The following PCDHB9 variants were observed in gnomAD, a reference collection of about 807,000 sequenced individuals.
PCDHB9 encodes the protein protocadherin beta 9, also known as protocadherin beta-9.
For missense variants in PCDHB9, 1,072 were observed against 995.1 expected (o/e 1.08, Z -1.04); for synonymous variants, 501 against 439.7 (o/e 1.14, Z -1.75).
rs782186162 is a variant in PCDHB9 at position 141,189,535 on chromosome 5, G to A, written c.2217G>A (p.Val739=). 1 of 1,614,122 alleles carries A rather than the reference G, an allele frequency of 6.2e-7. No individual in the cohort carries two copies. Among genetic ancestry groups the A allele is most frequent in the South Asian group, 1.1e-5 (1 of 91,078 alleles). The change falls in exon 1 of 1, where the codon GTG becomes GTA. Residue 739 remains valine, a synonymous_variant. Transcript: ENST00000316105. The stretch of plus-strand genomic sequence containing the variant: ...CTTTTCCAGGGCATCTGGTGGACGT[G>A]AGCGGCACCGGGACCCTGTTCCAGA... The part of the protein sequence containing the change: ...EGPFPGHLVD[V]SGTGTLFQSY...
rs565662126 is a variant in PCDHB9 at position 141,189,640 on chromosome 5, C to T, written c.2322C>T (p.Leu774=). Residue 774 remains leucine (L), a synonymous_variant, in exon 1 of 1, where the codon CTC becomes CTT. Transcript: ENST00000316105. ...FKFLKPITPH[L]PPHRGGKEIE... ...TCTTGAAGCCGATTACCCCCCACCT[C>T]CCGCCCCATAGGGGTGGGAAAGAAA... 3 of 1,614,116 alleles carry T rather than the reference C, an allele frequency of 1.9e-6. No individual in the cohort carries two copies. In the South Asian group the frequency reaches 3.3e-5, roughly 18 times the overall value.
In PCDHB9 at chr5:141,188,789, C is replaced by A; in HGVS notation, c.1471C>A (p.Leu491Met). 6.2e-7 allele frequency: 1 copy of A among 1,612,958 alleles called. No individual in the cohort carries two copies. The highest frequency in any genetic ancestry group is 8.5e-7 in the Non-Finnish European group (1 of 1,180,036). The change falls in exon 1 of 1, where the codon CTG becomes ATG. Residue 491 changes from leucine to methionine, a missense_variant. Coordinates refer to ENST00000316105, the MANE Select transcript of PCDHB9 (RefSeq NM_019119.5). ...CAACGCCCAGGTCACCTACTCGCTGCTGCCGCCCCAGGACCCACACCTGCC... is the reference window on the plus strand; with the variant it reads ...CAACGCCCAGGTCACCTACTCGCTGATGCCGCCCCAGGACCCACACCTGCC... ...GTNAQVTYSL[L>M]PPQDPHLPLA... is the part of the protein sequence containing the mutation.
In PCDHB9 at chr5:141,188,009, G is replaced by T; in HGVS notation, c.691G>T (p.Val231Leu). ...GTCTGGGACCTCCACTATACGCATT[G>T]TGGTCTTGGATGTCAATGACAATGT... ...SRSGTSTIRI[V>L]VLDVNDNVPQ... The change falls in exon 1 of 1, where the codon GTG (valine) becomes TTG (leucine). Residue 231 changes from valine (V) to leucine (L), a missense_variant. By Grantham distance (32) the Val-to-Leu change is conservative. Transcript: ENST00000316105. 1 of 1,614,068 alleles carries T rather than the reference G, an allele frequency of 6.2e-7. No individual in the cohort carries two copies. Among genetic ancestry groups the T allele is most frequent in the African/African-American group, 1.3e-5 (1 of 75,026 alleles).
rs1295960490 is a variant in PCDHB9 at position 141,190,850 on chromosome 5, A to G, written c.*1138A>G. ...TAGAGGTTTATATTGTGCGGCTTTT[A>G]TATTCAGCTATTAGAGTGTTATTGG... On this transcript the variant is annotated 3_prime_UTR_variant, in exon 1 of 1. Transcript: ENST00000316105. The G allele has an allele frequency of 6.6e-6, 1 of 152,132 alleles. No homozygotes were observed. The highest frequency in any genetic ancestry group is 2.4e-5 in the African/African-American group (1 of 41,392). The allele number at this position is 152,132 out of a possible 1,614,324, so 9.4% of individuals were successfully genotyped here. A position where few individuals can be genotyped will look rare whatever the true frequency, so the allele number is the denominator to read the frequency against.
rs1417941624 is a variant in PCDHB9, at chr5:141,188,953, G to A, written c.1635G>A (p.Ala545=). Residue 545 remains alanine, a synonymous_variant, in exon 1 of 1, where the codon GCG becomes GCA. Coordinates refer to ENST00000316105, the MANE Select transcript of PCDHB9 (RefSeq NM_019119.5). ...DRGSPALSSE[A]LVRVLVLDAN... is the part of the protein sequence containing the mutation. ...GCTCCCCGGCTTTGAGCAGCGAGGCGCTGGTGCGCGTACTGGTGCTGGACG... is the reference window on the plus strand; with the variant it reads ...GCTCCCCGGCTTTGAGCAGCGAGGCACTGGTGCGCGTACTGGTGCTGGACG... 1.2e-6 allele frequency: 2 copies of A among 1,611,752 alleles called. No homozygotes were observed. Among genetic ancestry groups the A allele is most frequent in the African/African-American group, 1.3e-5 (1 of 74,864 alleles).
In PCDHB9 at chr5:141,188,936, G is replaced by A. The variant is rs1554283173; in HGVS notation, c.1618G>A (p.Ala540Thr). Reference protein sequence around the residue: ...RVGASDRGSPALSSEALVRVL... With the variant: ...RVGASDRGSPTLSSEALVRVL... ...GGGCGCCTCAGACCGCGGCTCCCCG[G>A]CTTTGAGCAGCGAGGCGCTGGTGCG... The change falls in exon 1 of 1, where the codon GCT becomes ACT. Residue 540 changes from alanine to threonine, a missense_variant. Physicochemically the swap from Ala to Thr is moderately conservative, Grantham distance 58 (BLOSUM62 0). Coordinates refer to ENST00000316105, the MANE Select transcript of PCDHB9 (RefSeq NM_019119.5). 1 of 1,612,002 alleles carries A rather than the reference G, an allele frequency of 6.2e-7. No homozygotes were observed. Among genetic ancestry groups the A allele is most frequent in the Non-Finnish European group, 8.5e-7 (1 of 1,179,814 alleles).
chr5:141,188,388 C>T lies in PCDHB9; in HGVS notation c.1070C>T (p.Ala357Val), dbSNP rs369161237. 3.1e-6 allele frequency: 5 copies of T among 1,614,002 alleles called. No individual in the cohort carries two copies. The highest frequency in any genetic ancestry group is 4.2e-6 in the Non-Finnish European group (5 of 1,179,946). The change falls in exon 1 of 1, where the codon GCT (alanine) becomes GTT (valine). Residue 357 changes from alanine to valine, a missense_variant. Ala to Val is a moderately conservative substitution (Grantham distance 64, BLOSUM62 0). Coordinates refer to ENST00000316105, the MANE Select transcript of PCDHB9 (RefSeq NM_019119.5). ...ATATCATCACTTTCCAACTCTGTTG[C>T]TGAAAACTCTCCTGGGATAGTATTG... is the stretch of plus-strand genomic sequence containing the variant. ...LIISSLSNSV[A>V]ENSPGIVLAV...
chr5:141,190,540 C>G lies in PCDHB9; in HGVS notation c.*828C>G, dbSNP rs1002301962. On this transcript the variant is annotated 3_prime_UTR_variant, in exon 1 of 1. Coordinates refer to ENST00000316105, the MANE Select transcript of PCDHB9 (RefSeq NM_019119.5). ...CTAGTTTCCCGGCATTGATAGTTCC[C>G]TATTTGAAATATAATGTTTCTCTTG... 24 of 151,292 alleles carry G rather than the reference C, an allele frequency of 1.6e-4. No homozygotes were observed. Among genetic ancestry groups the G allele is most frequent in the African/African-American group, 5.1e-4 (21 of 41,170 alleles). 9.4% of individuals were successfully genotyped at this position (151,292 alleles called of 1,614,324 possible).
In PCDHB9 at chr5:141,187,925, G is replaced by T; in HGVS notation, c.607G>T (p.Glu203Ter). 6.2e-7 allele frequency: 1 copy of T among 1,614,156 alleles called. No individual in the cohort carries two copies. The highest frequency in any genetic ancestry group is 8.5e-7 in the Non-Finnish European group (1 of 1,180,030). ...ELVLDKALDR[E>*]EQEELSLTLT... ...AGTGTTGGACAAAGCACTGGATCGG[G>T]AGGAGCAGGAAGAGCTCAGCTTAAC... The change falls in exon 1 of 1, where the codon GAG (glutamate) becomes TAG (stop). Residue 203 changes from glutamate to a stop codon, truncating the protein, a stop_gained. Transcript: ENST00000316105. LOFTEE classifies it low-confidence loss of function (END_TRUNC).
rs781800198 is a variant in PCDHB9 at position 141,187,486 on chromosome 5, G to C, written c.168G>C (p.Glu56Asp). The change falls in exon 1 of 1, where the codon GAG (glutamate) becomes GAC (aspartate). Residue 56 changes from glutamate (E) to aspartate (D), a missense_variant. Physicochemically the swap from Glu to Asp is conservative, Grantham distance 45. Transcript: ENST00000316105. ...TGGCAAAGGATCTGGGACTAGCAGA[G>C]GGGGAGCTGGCTGCAAGGGGAACCA... ...VNLAKDLGLA[E>D]GELAARGTRV... 65 of 1,612,626 alleles carry C rather than the reference G, an allele frequency of 4.0e-5. No homozygotes were observed. Among genetic ancestry groups the C allele is most frequent in the Middle Eastern group, 1.7e-4 (1 of 5,958 alleles).
In PCDHB9 at chr5:141,188,494, T is replaced by C; in HGVS notation, c.1176T>C (p.Phe392=). Residue 392 remains phenylalanine (F), a synonymous_variant, in exon 1 of 1, where the codon TTT becomes TTC. Coordinates refer to ENST00000316105, the MANE Select transcript of PCDHB9 (RefSeq NM_019119.5). ...ATGTTCAAGATAATCTGCCTTTTTT[T>C]CTGAAACCGTCTGTTGACAATTTTT... ...ICYVQDNLPF[F]LKPSVDNFYI... 6.2e-7 allele frequency: 1 copy of C among 1,614,208 alleles called. No individual in the cohort carries two copies. The highest frequency in any genetic ancestry group is 8.5e-7 in the Non-Finnish European group (1 of 1,180,034).
In PCDHB9 at chr5:141,187,593, G is replaced by T. The variant is rs1342391129; in HGVS notation, c.275G>T (p.Arg92Leu). ...GNLLTNEKLDREKLCGPKEPC... is the reference protein window; with the variant it reads ...GNLLTNEKLDLEKLCGPKEPC... ...TTGCTCACAAATGAGAAACTGGACC[G>T]AGAGAAGCTGTGTGGCCCTAAAGAG... is the stretch of plus-strand genomic sequence containing the variant. Residue 92 changes from arginine (R) to leucine (L), a missense_variant, in exon 1 of 1, where the codon CGA (arginine) becomes CTA (leucine). Arg to Leu is a moderately radical substitution (Grantham distance 102). Transcript: ENST00000316105. 4 of 1,611,254 alleles carry T rather than the reference G, an allele frequency of 2.5e-6. No homozygotes were observed. The African/African-American group carries it at 4.0e-5, about 16-fold the overall frequency.
chr5:141,187,755 C>G lies in PCDHB9; in HGVS notation c.437C>G (p.Thr146Arg). 6.2e-7 allele frequency: 1 copy of G among 1,614,162 alleles called. No individual in the cohort carries two copies. The highest frequency in any genetic ancestry group is 8.5e-7 in the Non-Finnish European group (1 of 1,180,042). The change falls in exon 1 of 1, where the codon ACA becomes AGA. Residue 146 changes from threonine (T) to arginine (R), a missense_variant. Physicochemically the swap from Thr to Arg is moderately conservative, Grantham distance 71. Coordinates refer to ENST00000316105, the MANE Select transcript of PCDHB9 (RefSeq NM_019119.5). ...KEMVLKISEN[T>R]AEGTAFRLER... ...ATGGTCTTAAAAATATCAGAAAATACAGCTGAAGGGACAGCATTTAGACTA... is the reference window on the plus strand; with the variant it reads ...ATGGTCTTAAAAATATCAGAAAATAGAGCTGAAGGGACAGCATTTAGACTA...
Position 141,189,929 on chromosome 5 carries a change from A to C in PCDHB9, c.*217A>C. On this transcript the variant is annotated 3_prime_UTR_variant, in exon 1 of 1. Coordinates refer to ENST00000316105, the MANE Select transcript of PCDHB9 (RefSeq NM_019119.5). ...ATAAGTGAAATATAATATTTTTCAA[A>C]GTTGATATCATTTAAAAATTTTTGG... 2.3e-6 allele frequency: 1 copy of C among 443,438 alleles called. No individual in the cohort carries two copies. Among genetic ancestry groups the C allele is most frequent in the Non-Finnish European group, 3.8e-6 (1 of 259,780 alleles). 27.5% of individuals were successfully genotyped at this position (443,438 alleles called of 1,614,324 possible).
At position 141,189,304 on chromosome 5, in the gene PCDHB9, G is replaced by T. The variant is rs1554283308; in HGVS notation, c.1986G>T (p.Leu662=). The T allele has an allele frequency of 6.2e-7, 1 of 1,609,952 alleles. No homozygotes were observed. The highest frequency in any genetic ancestry group is 8.5e-7 in the Non-Finnish European group (1 of 1,179,760). ...CCACCGCCACGCTGCACGTGCTCCTGGTGGACGGCTTCTCCCAGCCCTACC... is the reference window on the plus strand; with the variant it reads ...CCACCGCCACGCTGCACGTGCTCCTTGTGGACGGCTTCTCCCAGCCCTACC... ...RSATATLHVL[L]VDGFSQPYLP... The change falls in exon 1 of 1, where the codon CTG becomes CTT. Residue 662 remains leucine (L), a synonymous_variant. Transcript: ENST00000316105.
At position 141,190,683 on chromosome 5, in the gene PCDHB9, T is replaced by C. The variant is rs1278403169; in HGVS notation, c.*971T>C. 1.0e-5 allele frequency: 1 copy of C among 96,052 alleles called. No individual in the cohort carries two copies. The highest frequency in any genetic ancestry group is 2.2e-5 in the Non-Finnish European group (1 of 45,386). 5.9% of individuals were successfully genotyped at this position (96,052 alleles called of 1,614,324 possible). ...CAAAAAAAAAAAAAAAATTTAGTCA[T>C]TCTATAGGATCATGTGAAAATATTT... On this transcript the variant is annotated 3_prime_UTR_variant, in exon 1 of 1. Coordinates refer to ENST00000316105, the MANE Select transcript of PCDHB9 (RefSeq NM_019119.5).
chr5:141,188,970 T>C lies in PCDHB9; in HGVS notation c.1652T>C (p.Val551Ala). ...LSSEALVRVL[V>A]LDANDNSPFV... ...AGCGAGGCGCTGGTGCGCGTACTGG[T>C]GCTGGACGCCAACGACAACTCGCCC... Residue 551 changes from valine to alanine, a missense_variant, in exon 1 of 1, where the codon GTG (valine) becomes GCG (alanine). Transcript: ENST00000316105. The C allele has an allele frequency of 6.2e-7, 1 of 1,611,756 alleles. No individual in the cohort carries two copies. Among genetic ancestry groups the C allele is most frequent in the South Asian group, 1.1e-5 (1 of 90,988 alleles).
At position 141,189,852 on chromosome 5, in the gene PCDHB9, G is replaced by T; in HGVS notation, c.*140G>T. The T allele has an allele frequency of 1.5e-6, 1 of 658,354 alleles. No individual in the cohort carries two copies. The highest frequency in any genetic ancestry group is 2.4e-6 in the Non-Finnish European group (1 of 416,020). 40.8% of individuals were successfully genotyped at this position (658,354 alleles called of 1,614,324 possible). On this transcript the variant is annotated 3_prime_UTR_variant, in exon 1 of 1. Transcript: ENST00000316105. ...TTGCGTATTATGCTTAACTTCACAA[G>T]TTAACTTTTTCTTATTTTGTATCCT...
rs1209435443 is a variant in PCDHB9, at chr5:141,189,532, C to A, written c.2214C>A (p.Asp738Glu). The A allele has an allele frequency of 2.5e-6, 4 of 1,614,074 alleles. No individual in the cohort carries two copies. The highest frequency in any genetic ancestry group is 1.1e-5 in the South Asian group (1 of 91,064). The change falls in exon 1 of 1, where the codon GAC becomes GAA. Residue 738 changes from aspartate (D) to glutamate (E), a missense_variant. Physicochemically the swap from Asp to Glu is conservative, Grantham distance 45. Transcript: ENST00000316105. ...GTCCTTTTCCAGGGCATCTGGTGGA[C>A]GTGAGCGGCACCGGGACCCTGTTCC... Reference protein sequence around the residue: ...PEGPFPGHLVDVSGTGTLFQS... With the variant: ...PEGPFPGHLVEVSGTGTLFQS...
Sources: allele counts gnomAD v4.1 joint callset, GRCh38; gene constraint gnomAD v4.1.1; transcripts MANE v1.5; gene names NCBI Gene and HGNC (gene_info 2026-07-23, HGNC 2026-07-21).